The following ORC2 variants were observed in gnomAD, a reference collection of about 807,000 sequenced individuals.
The protein encoded by ORC2 is origin recognition complex subunit 2, also known as origin recognition complex protein 2 homolog.
A neutral mutation model predicts 77.7 loss-of-function variants in ORC2; 37 were observed. That is an observed-to-expected ratio of 0.48 (90% confidence interval 0.37 to 0.63). The LOEUF is 0.63. ORC2 is among the 20% of genes least tolerant of loss of function. ORC2 has a pLI of 0.00. For missense variants in ORC2, 557 were observed against 661.9 expected, an observed-to-expected ratio of 0.84 and a Z score of 1.74; for synonymous variants, 201 against 229.5, an observed-to-expected ratio of 0.88 and a Z score of 1.12.
intron 9 of ORC2, among the ~76,000 whole-genome samples, chr2:200,934,469 T>C (rs936680022): frequency 6.6e-6 from 1 of 151,076 alleles, no homozygotes; most frequent in Non-Finnish European, 1.5e-5. Context: ...CATGCACCAC[T>C]ACACCTGACT....
intron 12 of ORC2, among the ~76,000 whole-genome samples, chr2:200,926,217 C>T (rs1316541233): frequency 3.3e-5 from 5 of 152,042 alleles, no homozygotes; most frequent in Admixed American, 2.6e-4. Flanking sequence ...ACATGAGAAA[C>T]ATTAGAAAAC....
chr2:200,961,863 G>T (rs1435614149), intron 1 of ORC2, among the ~76,000 whole-genome samples: 1 of 152,170 alleles, frequency 6.6e-6, no homozygotes, highest in Non-Finnish European at 1.5e-5. Context: ...AGCAAGTAAA[G>T]GTCGGTTACG....
intron 9 of ORC2, among the ~76,000 whole-genome samples, chr2:200,934,493 GTT>G (rs1553496781): frequency 1.1e-4 from 13 of 123,496 alleles, no homozygotes; most frequent in South Asian, 2.7e-4. Flanking sequence ...TTTTTAAATT[GTT>G]TTTTTTTTTT....
chr2:200,955,998 A>T (rs935665108), intron 4 of ORC2, among the ~76,000 whole-genome samples: 3 of 152,258 alleles, frequency 2.0e-5, no homozygotes, highest in Admixed American at 6.5e-5. Context: ...CTAGTTCTGT[A>T]AAGATCAAGG....
chr2:200,911,310 CTCT>C lies in ORC2; in HGVS notation c.1722_1724del (p.Glu576del). ...AGAATAAAGGAAAGCTTCAAGCCTC[CTCT>C]TCTTCCTTTTCCAAGAAATCAGTCA... On this transcript the variant is annotated inframe_deletion, in exon 18 of 18. Transcript: ENST00000234296. 1 of 1,601,388 alleles carries C rather than the reference CTCT, an allele frequency of 6.2e-7. No individual in the cohort carries two copies. Among genetic ancestry groups the C allele is most frequent in the Non-Finnish European group, 8.6e-7 (1 of 1,168,488 alleles).
chr2:200,921,224 A>G, intron 13 of ORC2, 85 bp from the exon 14 acceptor site: 1 of 796,512 alleles, frequency 1.3e-6, no homozygotes, highest in Non-Finnish European at 1.8e-6. Context: ...CAGTGGTACA[A>G]TCATAGCTCA....
chr2:200,909,756 T>C lies in ORC2; in HGVS notation c.*1545A>G, dbSNP rs1352056007. On this transcript the variant is annotated 3_prime_UTR_variant, in exon 18 of 18. Coordinates refer to ENST00000234296, the MANE Select transcript of ORC2 (RefSeq NM_006190.5). Reference sequence around the variant, plus strand: ...ATGGACTTAACATAAAATTACTTTTTAAAAAAATGATTTAAAAAAAAAAAA... The same window carrying C: ...ATGGACTTAACATAAAATTACTTTTCAAAAAAATGATTTAAAAAAAAAAAA... 1 of 148,766 alleles carries C rather than the reference T, an allele frequency of 6.7e-6. No homozygotes were observed. Among genetic ancestry groups the C allele is most frequent in the Admixed American group, 6.7e-5 (1 of 14,950 alleles). 9.2% of individuals were successfully genotyped at this position (148,766 alleles called of 1,614,324 possible). A position where few individuals can be genotyped will look rare whatever the true frequency, so the allele number is the denominator to read the frequency against.
At chr2:200,922,247 A>T (rs990521074) in intron 13 of ORC2, among the ~76,000 whole-genome samples, 1 of 151,838 alleles carries the variant, frequency 6.6e-6, no homozygotes, top group Non-Finnish European at 1.5e-5. Context: ...AGCTGTTGAC[A>T]CTATCAAATA....
rs1477810346 is a variant in ORC2, at chr2:200,963,300, C to T, written c.-60+190G>A. The T allele has an allele frequency of 1.3e-5, 5 of 396,838 alleles. No homozygotes were observed. In the Admixed American group the frequency reaches 1.3e-4, roughly 10 times the overall value. 24.6% of individuals were successfully genotyped at this position (396,838 alleles called of 1,614,324 possible). On this transcript the variant is annotated intron_variant, in intron 1 of 17. Transcript: ENST00000234296. ...TCCACCAGTAAGGGTTCTCGAGCCC[C>T]CGGGCAGCCTGCGGGGGGCAGCGAG... is the stretch of plus-strand genomic sequence containing the variant.
In ORC2 at chr2:200,927,526, CA is replaced by C. The variant is rs1158700178; in HGVS notation, c.918-627del. Among the ~76,000 whole-genome samples, 465 of 131,016 alleles carry C rather than the reference CA, an allele frequency of 3.5e-3. 1 individual carries two copies. Among genetic ancestry groups the C allele is most frequent in the Non-Finnish European group, 4.6e-3 (279 of 60,060 alleles). The allele number at this position is 131,016 out of a possible 152,430, so 86.0% of individuals were successfully genotyped here. ...TGAAACCCCATCTCTACTAAAAATACAAAAAAAAAAAAAATTAGCTGGGTGC... is the reference window on the plus strand; with the variant it reads ...TGAAACCCCATCTCTACTAAAAATACAAAAAAAAAAAAATTAGCTGGGTGC... On this transcript the variant is annotated intron_variant, in intron 11 of 17. Coordinates refer to ENST00000234296, the MANE Select transcript of ORC2 (RefSeq NM_006190.5).
intron 9 of ORC2, among the ~76,000 whole-genome samples, chr2:200,934,505 T>C (rs2041000332): frequency 6.6e-6 from 1 of 151,500 alleles, no homozygotes; most frequent in Admixed American, 6.6e-5. Flanking sequence ...TTTTTTTTTT[T>C]TTTTGCAGAG....
chr2:200,930,767 G>A (rs1230894077), intron 11 of ORC2, among the ~76,000 whole-genome samples: 1 of 151,898 alleles, frequency 6.6e-6, no homozygotes, highest in Non-Finnish European at 1.5e-5. Context: ...AAAGTATTAT[G>A]TTTTGATTTC....
chr2:200,936,325 A>G (rs1157114043), intron 8 of ORC2, among the ~76,000 whole-genome samples: 1 of 152,134 alleles, frequency 6.6e-6, no homozygotes, highest in African/African-American at 2.4e-5. Flanking sequence ...TGCTCCAACT[A>G]TGGTTGACTA....
Position 200,958,104 on chromosome 2 carries a change from T to A in ORC2, c.20A>T (p.Lys7Met). The part of the protein sequence containing the change: MSKPEL[K>M]EDKMLEVHFV... ...GTGAACCTCCAGCATCTTGTCTTCC[T>A]TTAATTCTGGTTTACTCATTGTTGC... is the stretch of plus-strand genomic sequence containing the variant. Residue 7 changes from lysine (K) to methionine (M), a missense_variant, in exon 3 of 18, where the codon AAG becomes ATG. Physicochemically the swap from Lys to Met is moderately conservative, Grantham distance 95. Coordinates refer to ENST00000234296, the MANE Select transcript of ORC2 (RefSeq NM_006190.5). 1 of 1,611,880 alleles carries A rather than the reference T, an allele frequency of 6.2e-7. No individual in the cohort carries two copies. The highest frequency in any genetic ancestry group is 1.3e-5 in the African/African-American group (1 of 75,000).
chr2:200,942,923 G>A lies in ORC2; in HGVS notation c.329-146C>T, dbSNP rs891052229. ...TCCTACCCATATTAGGAGTAATACT[G>A]CTTTCACCTTTATTAGCTGTCTTCC... On this transcript the variant is annotated intron_variant, in intron 5 of 17. Coordinates refer to ENST00000234296, the MANE Select transcript of ORC2 (RefSeq NM_006190.5). 11 of 447,262 alleles carry A rather than the reference G, an allele frequency of 2.5e-5. No individual in the cohort carries two copies. The South Asian group carries it at 4.5e-4, about 18-fold the overall frequency. The allele number at this position is 447,262 out of a possible 1,614,324, so 27.7% of individuals were successfully genotyped here.
chr2:200,911,900 C>CT (rs1243660241), intron 17 of ORC2, among the ~76,000 whole-genome samples: 1 of 152,228 alleles, frequency 6.6e-6, no homozygotes, highest in African/African-American at 2.4e-5. Flanking sequence ...AACTGAGCTA[C>CT]TGTTCCCATT....
At chr2:200,955,133 T>C (rs2041444734) in intron 4 of ORC2, among the ~76,000 whole-genome samples, 2 of 152,204 alleles carry the variant, frequency 1.3e-5, no homozygotes, top group African/African-American at 4.8e-5. Context: ...TTGGAAGCAC[T>C]GAATTTCTAC....
In ORC2 at chr2:200,920,276, G is replaced by T. The variant is rs1490279423; in HGVS notation, c.1412C>A (p.Ser471Tyr). 1 of 1,613,884 alleles carries T rather than the reference G, an allele frequency of 6.2e-7. No individual in the cohort carries two copies. The highest frequency in any genetic ancestry group is 1.7e-5 in the Admixed American group (1 of 60,012). Residue 471 changes from serine (S) to tyrosine (Y), a missense_variant, in exon 15 of 18, where the codon TCC becomes TAC. Physicochemically the swap from Ser to Tyr is moderately radical, Grantham distance 144 (BLOSUM62 -2). Transcript: ENST00000234296. Reference protein sequence around the residue: ...ENSLLVKQSGSLPLSSLTHVL... With the variant: ...ENSLLVKQSGYLPLSSLTHVL... Reference sequence around the variant, plus strand: ...ATGAGTAAGGGAGCTAAGTGGCAGGGATCCAGACTGCTTTACCAGAAGAGA... The same window carrying T: ...ATGAGTAAGGGAGCTAAGTGGCAGGTATCCAGACTGCTTTACCAGAAGAGA...
chr2:200,963,135 G>T (rs577280811), intron 1 of ORC2: 1 of 259,836 alleles, frequency 3.8e-6, no homozygotes, highest in South Asian at 1.7e-4. Context: ...GAATCAGGTA[G>T]GTTAGTATCA....
Sources: gnomAD v4.1 joint callset for allele counts (sites outside exome capture counted in the v4.1 genomes callset) on GRCh38, gnomAD v4.1.1 for gene constraint, MANE v1.5 for transcripts, NCBI Gene and HGNC (gene_info 2026-07-23, HGNC 2026-07-21) for gene names.